Variants in ADAM12 observed in about 807,000 individuals in gnomAD.
ADAM12 encodes the protein disintegrin and metalloproteinase domain-containing protein 12.
Under a neutral mutation model 106.4 loss-of-function variants are expected in ADAM12, and 70 were observed. The observed-to-expected ratio is 0.66, with a 90% CI of 0.54 to 0.80. ADAM12 has a LOEUF of 0.80. Ranked by LOEUF, ADAM12 falls within the 30% of genes least tolerant of loss-of-function variation. The probability of loss-of-function intolerance (pLI) is 0.00; values close to 1 mark genes in which losing one functional copy is unlikely to be tolerated. For synonymous variants in ADAM12, 420 were observed against 433.5 expected (o/e 0.97, Z 0.39); for missense variants, 1,010 against 1,171.9 (o/e 0.86, Z 2.02).
chr10:126,118,477 CT>C (rs1956028332), intron 5 of ADAM12, among the ~76,000 whole-genome samples: 2 of 152,096 alleles, frequency 1.3e-5, no homozygotes, highest in African/African-American at 4.8e-5. Flanking sequence ...GTGCATTTTG[CT>C]TTTGTATGTT....
chr10:126,211,038 C>T (rs1041262303), intron 3 of ADAM12, among the ~76,000 whole-genome samples: 1 of 152,084 alleles, frequency 6.6e-6, no homozygotes, highest in Non-Finnish European at 1.5e-5. Flanking sequence ...ACTCAGGCAC[C>T]TTACACTGTG....
At chr10:126,130,721 C>T (rs1194049906) in intron 5 of ADAM12, among the ~76,000 whole-genome samples, 2 of 152,160 alleles carry the variant, frequency 1.3e-5, no homozygotes, top group African/African-American at 4.8e-5. Context: ...GCCTGGCACA[C>T]GGTGACTACA....
chr10:126,104,206 T>C (rs1181655904), intron 8 of ADAM12, among the ~76,000 whole-genome samples: 1 of 152,054 alleles, frequency 6.6e-6, no homozygotes, highest in Admixed American at 6.5e-5. Flanking sequence ...TCCCGGCACT[T>C]TGGGAGGCTG....
At chr10:126,350,751 C>T (rs1564749480) in intron 1 of ADAM12, among the ~76,000 whole-genome samples, 1 of 152,342 alleles carries the variant, frequency 6.6e-6, no homozygotes, top group East Asian at 1.9e-4. Context: ...TCATCCCATT[C>T]TACTGAGCAG....
intron 3 of ADAM12, among the ~76,000 whole-genome samples, chr10:126,248,227 G>T (rs1316426922): frequency 2.0e-5 from 3 of 152,204 alleles, no homozygotes; most frequent in Non-Finnish European, 2.9e-5. Context: ...CCAGGGTGAT[G>T]CCGACTTCAC....
At chr10:126,166,075 T>C (rs1957018711) in intron 3 of ADAM12, among the ~76,000 whole-genome samples, 1 of 152,248 alleles carries the variant, frequency 6.6e-6, no homozygotes, top group African/African-American at 2.4e-5. Flanking sequence ...TACAGCATTT[T>C]GGAAGCTGTA....
chr10:126,049,709 T>G lies in ADAM12; in HGVS notation c.1610-40A>C. The G allele has an allele frequency of 6.4e-7, 1 of 1,561,374 alleles. No individual in the cohort carries two copies. On this transcript the variant is annotated intron_variant, in intron 14 of 22. Transcript: ENST00000448723. This position sits in a 1 kb window ranked among gnomAD's most constrained non-coding sequence, Gnocchi z 4.4. ...GAACTGCATTTTCATCTCCTGCAGG[T>G]GATTTTTTTTTTTTCATGGCTGTAG...
chr10:126,287,292 T>C (rs1298826300), intron 2 of ADAM12, among the ~76,000 whole-genome samples: 2 of 152,188 alleles, frequency 1.3e-5, no homozygotes, highest in African/African-American at 4.8e-5. Flanking sequence ...GACATTACTC[T>C]GTTCCTTTCT....
Position 126,155,329 on chromosome 10 carries a change from A to G in ADAM12, c.261-24T>C, listed in dbSNP as rs759957055. On this transcript the variant is annotated intron_variant, in intron 3 of 22. Coordinates refer to ENST00000448723, the MANE Select transcript of ADAM12 (RefSeq NM_001288973.2). Reference sequence around the variant, plus strand: ...CTCTGCGGAAAAACAAAAACACCATAAAAAGATGAGTGCAGAATTGCATTG... The same window carrying G: ...CTCTGCGGAAAAACAAAAACACCATGAAAAGATGAGTGCAGAATTGCATTG... The G allele has an allele frequency of 1.9e-6, 3 of 1,603,512 alleles. No individual in the cohort carries two copies. The South Asian group carries it at 3.3e-5, about 18-fold the overall frequency.
chr10:126,119,772 G>A (rs999103511), intron 5 of ADAM12, among the ~76,000 whole-genome samples: 3 of 152,190 alleles, frequency 2.0e-5, no homozygotes, highest in East Asian at 1.9e-4. Flanking sequence ...CACAGCTAAG[G>A]CCACATCCCA....
chr10:126,064,555 G>A lies in ADAM12; in HGVS notation c.1609+251C>T, dbSNP rs1954824299. ...CCCGGGGCGCACAGTAGGTGCTCCT[G>A]CAGCTCCTGTTGGACCGCACTGAGC... On this transcript the variant is annotated intron_variant, in intron 14 of 22. Coordinates refer to ENST00000448723, the MANE Select transcript of ADAM12 (RefSeq NM_001288973.2). This position sits in a 1 kb window ranked among gnomAD's most constrained non-coding sequence, Gnocchi z 4.4. The A allele has an allele frequency of 4.6e-6, 2 of 433,654 alleles. No homozygotes were observed. Among genetic ancestry groups the A allele is most frequent in the Admixed American group, 4.0e-5 (1 of 25,288 alleles). 26.9% of individuals were successfully genotyped at this position (433,654 alleles called of 1,614,324 possible).
At chr10:126,160,380 T>C (rs1195159576) in intron 3 of ADAM12, among the ~76,000 whole-genome samples, 1 of 152,038 alleles carries the variant, frequency 6.6e-6, no homozygotes, top group African/African-American at 2.4e-5. Flanking sequence ...AACTCCCCCC[T>C]CTCCAAAAAA....
intron 3 of ADAM12, among the ~76,000 whole-genome samples, chr10:126,163,331 C>T (rs1956969360): frequency 6.6e-6 from 1 of 152,198 alleles, no homozygotes; most frequent in Non-Finnish European, 1.5e-5. Flanking sequence ...ATGGTGTCCA[C>T]CCTCATTTAG....
At chr10:126,264,436 C>G (rs1959059921) in intron 3 of ADAM12, among the ~76,000 whole-genome samples, 1 of 152,228 alleles carries the variant, frequency 6.6e-6, no homozygotes. Flanking sequence ...CATCTTCTAT[C>G]TGACCACATG....
chr10:126,019,195 C>T (rs752591527), intron 22 of ADAM12, among the ~76,000 whole-genome samples: 25 of 152,258 alleles, frequency 1.6e-4, no homozygotes, highest in African/African-American at 4.1e-4. Context: ...CTCCCCCTTC[C>T]GCCATGATTG....
At chr10:126,295,562 C>CAT (rs148812052) in intron 2 of ADAM12, among the ~76,000 whole-genome samples, 1 of 151,354 alleles carries the variant, frequency 6.6e-6, no homozygotes, top group Non-Finnish European at 1.5e-5. Flanking sequence ...CACACACACA[C>CAT]ACACACACAT....
chr10:126,064,766 C>T lies in ADAM12; in HGVS notation c.1609+40G>A. 6.4e-7 allele frequency: 1 copy of T among 1,557,726 alleles called. No homozygotes were observed. Among genetic ancestry groups the T allele is most frequent in the Non-Finnish European group, 8.7e-7 (1 of 1,152,718 alleles). The stretch of plus-strand genomic sequence containing the variant: ...CCCCAGTCCCACAGCCCAGGTCTGC[C>T]AGTGCCTCTCCTGATGCCGAGCTTG... On this transcript the variant is annotated intron_variant, in intron 14 of 22. Transcript: ENST00000448723. The surrounding 1 kb of genome is among the most constrained non-coding windows in gnomAD (Gnocchi z 4.4).
intron 2 of ADAM12, among the ~76,000 whole-genome samples, chr10:126,311,080 T>A (rs970690970): frequency 8.0e-6 from 1 of 125,394 alleles, no homozygotes; most frequent in Admixed American, 8.8e-5. Flanking sequence ...TTCCTCATTA[T>A]ACATACACAC....
At position 126,347,110 on chromosome 10, in the gene ADAM12, G is replaced by A. The variant is rs139447633; in HGVS notation, c.89-16601C>T. Reference sequence around the variant, plus strand: ...TGCTCGTTAGTTGATGCAGTTTCTTGCTAGCCTCAATGGTCTTTACAATTT... The same window carrying A: ...TGCTCGTTAGTTGATGCAGTTTCTTACTAGCCTCAATGGTCTTTACAATTT... On this transcript the variant is annotated intron_variant, in intron 1 of 22. Transcript: ENST00000448723. Among the ~76,000 whole-genome samples, 891 of 152,238 alleles carry A rather than the reference G, an allele frequency of 5.9e-3. 7 individuals are homozygous for A. Among genetic ancestry groups the A allele is most frequent in the African/African-American group, 0.021 (855 of 41,534 alleles).
Sources: gnomAD v4.1 joint callset for allele counts (sites outside exome capture counted in the v4.1 genomes callset) on GRCh38, gnomAD v4.1.1 for gene constraint, Gnocchi (gnomAD v3.1) non-coding constraint, MANE v1.5 for transcripts, NCBI Gene and HGNC (gene_info 2026-07-23, HGNC 2026-07-21) for gene names.